The following ACVR2A variants were observed in gnomAD, a reference collection of about 807,000 sequenced individuals.
ACVR2A encodes the protein activin receptor type-2A.
A neutral mutation model predicts 61.4 loss-of-function variants in ACVR2A; 7 were observed. The observed-to-expected ratio is 0.11, with a 90% CI of 0.06 to 0.21. The LOEUF (loss-of-function observed/expected upper bound fraction) is 0.21, where lower values mean the gene tolerates loss of function less well. ACVR2A is among the 10% of genes least tolerant of loss of function. The pLI is 1.00. For synonymous variants in ACVR2A, 193 were observed against 208.3 expected (o/e 0.93, Z 0.63); for missense variants, 322 against 621.7 (o/e 0.52, Z 5.13).
intron 1 of ACVR2A, among the ~76,000 whole-genome samples, chr2:147,869,460 G>A (rs948399578): frequency 6.6e-6 from 1 of 152,154 alleles, no homozygotes; most frequent in Non-Finnish European, 1.5e-5. Context: ...AGTTGTGGAA[G>A]GAAATCCAGG....
chr2:147,897,875 T>C (rs1431808818), intron 2 of ACVR2A, among the ~76,000 whole-genome samples: 2 of 152,290 alleles, frequency 1.3e-5, no homozygotes, highest in East Asian at 3.9e-4. Flanking sequence ...CTAACAGAAG[T>C]GGTCAAGTGA....
chr2:147,919,137 A>G (rs1249193736), intron 7 of ACVR2A, among the ~76,000 whole-genome samples: 6 of 152,120 alleles, frequency 3.9e-5, no homozygotes, highest in African/African-American at 1.4e-4. Flanking sequence ...AATTTTCTTG[A>G]ACGTGGGATT....
chr2:147,854,274 C>T (rs1685516456), intron 1 of ACVR2A, among the ~76,000 whole-genome samples: 1 of 152,112 alleles, frequency 6.6e-6, no homozygotes, highest in African/African-American at 2.4e-5. Context: ...ACTGTTTTAG[C>T]ATGCATTAAA....
chr2:147,872,260 C>T (rs1229627334), intron 1 of ACVR2A, among the ~76,000 whole-genome samples: 4 of 151,834 alleles, frequency 2.6e-5, no homozygotes, highest in Non-Finnish European at 5.9e-5. Flanking sequence ...GTAAGCCATG[C>T]GTTGATGCAA....
intron 1 of ACVR2A, among the ~76,000 whole-genome samples, chr2:147,850,747 C>T (rs1353288373): frequency 6.6e-6 from 1 of 152,120 alleles, no homozygotes; most frequent in Non-Finnish European, 1.5e-5. Context: ...AAGAAAACTA[C>T]TGTAGATAGC....
intron 4 of ACVR2A, among the ~76,000 whole-genome samples, chr2:147,905,927 T>G (rs1237462348): frequency 6.6e-6 from 1 of 152,188 alleles, no homozygotes; most frequent in Admixed American, 6.6e-5. Context: ...TTAAAATTAA[T>G]TAGTGCACCT....
chr2:147,856,763 A>G (rs553689387), intron 1 of ACVR2A, among the ~76,000 whole-genome samples: 2 of 152,280 alleles, frequency 1.3e-5, no homozygotes, highest in South Asian at 4.1e-4. Flanking sequence ...AGAATAAAAC[A>G]CCTTTCTGAA....
intron 1 of ACVR2A, among the ~76,000 whole-genome samples, chr2:147,852,857 G>A (rs1685481891): frequency 6.6e-6 from 1 of 152,118 alleles, no homozygotes; most frequent in Non-Finnish European, 1.5e-5. Context: ...AAGGCAAGGT[G>A]GGATGGAGAA....
Position 147,892,118 on chromosome 2 carries a change from C to T in ACVR2A, c.56-4183C>T, listed in dbSNP as rs543258543. Among the ~76,000 whole-genome samples, 7 of 151,948 alleles carry T rather than the reference C, an allele frequency of 4.6e-5. No homozygotes were observed. In the East Asian group the frequency reaches 1.4e-3, roughly 30 times the overall value. On this transcript the variant is annotated intron_variant, in intron 1 of 10. Coordinates refer to ENST00000241416, the MANE Select transcript of ACVR2A (RefSeq NM_001616.5). ...TCCTGAGTAGCTGGGATTACAGGTGCGCGCCACTATGCCCAGCTAATTTTT... is the reference window on the plus strand; with the variant it reads ...TCCTGAGTAGCTGGGATTACAGGTGTGCGCCACTATGCCCAGCTAATTTTT...
chr2:147,844,643 C>A (rs1685251975), upstream of ACVR2A: 1 of 154,856 alleles, frequency 6.5e-6, no homozygotes, highest in Admixed American at 6.7e-5. Flanking sequence ...CCGCAGCCGC[C>A]TCGCCGCCAC....
chr2:147,885,255 C>T lies in ACVR2A; in HGVS notation c.56-11046C>T, dbSNP rs2068936. Among the ~76,000 whole-genome samples, 562 of 152,120 alleles carry T rather than the reference C, an allele frequency of 3.7e-3. 1 individual carries two copies. The highest frequency in any genetic ancestry group is 6.4e-3 in the Non-Finnish European group (436 of 67,950). On this transcript the variant is annotated intron_variant, in intron 1 of 10. Coordinates refer to ENST00000241416, the MANE Select transcript of ACVR2A (RefSeq NM_001616.5). ...AAAAAAAGTCATCTTATATTTGAGTCCTTAAAAAGTTTTTCATATTTTGAG... is the reference window on the plus strand; with the variant it reads ...AAAAAAAGTCATCTTATATTTGAGTTCTTAAAAAGTTTTTCATATTTTGAG...
chr2:147,902,974 G>C (rs577124058), intron 4 of ACVR2A: 3 of 151,920 alleles, frequency 2.0e-5, no homozygotes, highest in African/African-American at 7.2e-5. Flanking sequence ...TCAAAGCTTT[G>C]GCTAAAGGAT....
chr2:147,887,872 A>G (rs1202881144), intron 1 of ACVR2A, among the ~76,000 whole-genome samples: 1 of 152,176 alleles, frequency 6.6e-6, no homozygotes, highest in South Asian at 2.1e-4. Flanking sequence ...GAGAAGGAGG[A>G]GTCCTGATTA....
At chr2:147,913,672 C>G (rs1207848370) in intron 4 of ACVR2A, among the ~76,000 whole-genome samples, 1 of 151,374 alleles carries the variant, frequency 6.6e-6, no homozygotes, top group Non-Finnish European at 1.5e-5. Context: ...TAAAAACTCT[C>G]TAGAGGTTCT....
intron 10 of ACVR2A, among the ~76,000 whole-genome samples, 193 bp from the exon 11 acceptor site, chr2:147,926,887 A>T (rs973956114): frequency 6.6e-6 from 1 of 151,710 alleles, no homozygotes; most frequent in African/African-American, 2.4e-5. Flanking sequence ...CTCTTGTGAT[A>T]GTCTCATGCT....
intron 1 of ACVR2A, among the ~76,000 whole-genome samples, chr2:147,876,958 G>A (rs1422873468): frequency 3.3e-5 from 5 of 151,988 alleles, no homozygotes; most frequent in Non-Finnish European, 7.4e-5. Context: ...GCACAGATAC[G>A]CCACTGAGTT....
At chr2:147,893,073 T>A (rs1686630225) in intron 1 of ACVR2A, among the ~76,000 whole-genome samples, 1 of 152,180 alleles carries the variant, frequency 6.6e-6, no homozygotes, top group Non-Finnish European at 1.5e-5. Flanking sequence ...TGTAATCACC[T>A]CCTTTTCCCT....
intron 5 of ACVR2A, among the ~76,000 whole-genome samples, chr2:147,916,404 A>T (rs1400281847): frequency 6.6e-6 from 1 of 151,942 alleles, no homozygotes; most frequent in Non-Finnish European, 1.5e-5. Flanking sequence ...GTATGCTTTT[A>T]TTGGGTCAGG....
intron 1 of ACVR2A, among the ~76,000 whole-genome samples, chr2:147,848,461 G>A (rs142070256): frequency 6.6e-6 from 1 of 152,142 alleles, no homozygotes. Context: ...TAGAGGGCAG[G>A]GATGCTTCTA....
Sources: gnomAD v4.1 joint callset for allele counts (sites outside exome capture counted in the v4.1 genomes callset) on GRCh38, gnomAD v4.1.1 for gene constraint, MANE v1.5 for transcripts, NCBI Gene and HGNC (gene_info 2026-07-23, HGNC 2026-07-21) for gene names.